The following RIPOR2 variants were observed in gnomAD, a reference collection of about 807,000 sequenced individuals.
RIPOR2 encodes rho family-interacting cell polarization regulator 2.
Under a neutral mutation model 114.5 loss-of-function variants are expected in RIPOR2, and 39 were observed. That is an observed-to-expected ratio of 0.34 (90% CI 0.26 to 0.44). RIPOR2 has a LOEUF of 0.44. Among genes scored for constraint, RIPOR2 ranks in the 20% least tolerant of loss-of-function variants. The pLI is 1.00. For missense variants in RIPOR2, 1,007 were observed against 1,255.1 expected (o/e 0.80, Z 2.99); for synonymous variants, 445 against 484.4 (o/e 0.92, Z 1.07).
intron 1 of RIPOR2, among the ~76,000 whole-genome samples, chr6:24,991,755 G>T (rs1774825099): frequency 6.6e-6 from 1 of 152,094 alleles, no homozygotes; most frequent in Admixed American, 6.5e-5. Flanking sequence ...CAGCTTAAAG[G>T]GTTTTAATGA....
At chr6:24,986,618 T>C (rs1774540328) in intron 1 of RIPOR2, among the ~76,000 whole-genome samples, 2 of 152,162 alleles carry the variant, frequency 1.3e-5, no homozygotes, top group South Asian at 4.1e-4. Flanking sequence ...TCCTGCTGTG[T>C]GCTCTATCCT....
chr6:24,820,058 G>A (rs1759540436), intron 19 of RIPOR2, among the ~76,000 whole-genome samples: 1 of 151,832 alleles, frequency 6.6e-6, no homozygotes, highest in African/African-American at 2.4e-5. Context: ...TGGAGATGGA[G>A]TTTCACTCTT....
intron 1 of RIPOR2, among the ~76,000 whole-genome samples, chr6:24,955,611 C>T (rs73729556): frequency 0.059 from 9,002 of 151,680 alleles, 552 homozygotes; most frequent in Middle Eastern, 0.17. Context: ...TCTTCTCTTC[C>T]GCTTTTAAAT....
At chr6:24,919,306 C>T (rs375798147) in intron 1 of RIPOR2, among the ~76,000 whole-genome samples, 2 of 152,322 alleles carry the variant, frequency 1.3e-5, no homozygotes, top group East Asian at 1.9e-4. Context: ...AAATTATTCA[C>T]GCCACCGAAG....
intron 1 of RIPOR2, among the ~76,000 whole-genome samples, chr6:24,913,190 C>G (rs1168719511): frequency 6.6e-6 from 1 of 151,136 alleles, no homozygotes; most frequent in African/African-American, 2.5e-5. Context: ...TGTGCACATA[C>G]AGAGCAGAGA....
At chr6:24,973,744 C>A (rs1773902309) in intron 1 of RIPOR2, among the ~76,000 whole-genome samples, 1 of 151,978 alleles carries the variant, frequency 6.6e-6, no homozygotes, top group East Asian at 1.9e-4. Flanking sequence ...ATATATACAC[C>A]ATGGAATACA....
chr6:25,023,887 A>G (rs879046819), intron 1 of RIPOR2: 26 of 722,988 alleles, frequency 3.6e-5, no homozygotes, highest in Non-Finnish European at 6.2e-5. Flanking sequence ...ACCTGGAGGC[A>G]CTTGGTTCTT....
At chr6:24,956,260 C>A (rs980408621) in intron 1 of RIPOR2, among the ~76,000 whole-genome samples, 1 of 152,138 alleles carries the variant, frequency 6.6e-6, no homozygotes, top group African/African-American at 2.4e-5. Flanking sequence ...TCATAAATCT[C>A]TTTTTCCCTC....
intron 1 of RIPOR2, among the ~76,000 whole-genome samples, chr6:25,039,075 A>C (rs1777368071): frequency 6.6e-6 from 1 of 152,230 alleles, no homozygotes; most frequent in Non-Finnish European, 1.5e-5. Flanking sequence ...ATTTTTCTTA[A>C]TGACAAAATA....
Position 24,927,198 on chromosome 6 carries a change from T to C in RIPOR2, c.61+8640A>G, listed in dbSNP as rs1243264747. Among the ~76,000 whole-genome samples the C allele has an allele frequency of 8.4e-5, 7 of 83,722 alleles. 2 individuals carry two copies. The highest frequency in any genetic ancestry group is 2.0e-4 in the African/African-American group (4 of 19,632). The allele number at this position is 83,722 out of a possible 152,430, so 54.9% of individuals were successfully genotyped here. Reference sequence around the variant, plus strand: ...CCACCACCATGACCACCACCACAACTACAAGCACCACCACCACCACTACCA... The same window carrying C: ...CCACCACCATGACCACCACCACAACCACAAGCACCACCACCACCACTACCA... On this transcript the variant is annotated intron_variant, in intron 1 of 21. Transcript: ENST00000643898.
intron 1 of RIPOR2, among the ~76,000 whole-genome samples, chr6:24,975,800 G>A (rs757138785): frequency 2.0e-5 from 3 of 151,966 alleles, no homozygotes; most frequent in Non-Finnish European, 4.4e-5. Context: ...CAATGTGTCC[G>A]TATATTGAAA....
chr6:24,908,233 A>G (rs1442078666), intron 1 of RIPOR2, among the ~76,000 whole-genome samples: 2 of 152,224 alleles, frequency 1.3e-5, no homozygotes, highest in Non-Finnish European at 2.9e-5. Context: ...ACGGACTTTC[A>G]CTTCTATCAC....
At position 24,869,087 on chromosome 6, in the gene RIPOR2, C is replaced by T; in HGVS notation, c.501+7G>A. 1 of 1,532,888 alleles carries T rather than the reference C, an allele frequency of 6.5e-7. No individual in the cohort carries two copies. The highest frequency in any genetic ancestry group is 9.0e-7 in the Non-Finnish European group (1 of 1,113,858). The allele number at this position is 1,532,888 out of a possible 1,614,324, so 95.0% of individuals were successfully genotyped here. On this transcript the variant is annotated splice_region_variant and intron_variant, in intron 6 of 21. Transcript: ENST00000643898. ...AAACAGGCAATGAGAACAGGAATTT[C>T]AGTTACCTTACTTATATGAAACTCC...
At chr6:24,921,706 G>A (rs962338267) in intron 1 of RIPOR2, among the ~76,000 whole-genome samples, 2 of 148,758 alleles carry the variant, frequency 1.3e-5, no homozygotes, top group Non-Finnish European at 3.0e-5. Flanking sequence ...TGTCTGCCTC[G>A]CTTCTCTGCA....
intron 1 of RIPOR2, among the ~76,000 whole-genome samples, chr6:25,022,103 A>G (rs999694995): frequency 1.3e-5 from 2 of 152,194 alleles, no homozygotes; most frequent in African/African-American, 4.8e-5. Flanking sequence ...ACATGGAGTA[A>G]AATTAGCCCT....
Position 24,842,949 on chromosome 6 carries a change from A to C in RIPOR2, c.1770T>G (p.Leu590=), listed in dbSNP as rs1394924802. 6 of 1,526,466 alleles carry C rather than the reference A, an allele frequency of 3.9e-6. No homozygotes were observed. Among genetic ancestry groups the C allele is most frequent in the Admixed American group, 2.2e-5 (1 of 45,904 alleles). 94.6% of individuals were successfully genotyped at this position (1,526,466 alleles called of 1,614,324 possible). ...CTTTATGTGGTTCTAATGCAAGTAAAAGCCCATTAAAAGCATCCTCTAAGC... is the reference window on the plus strand; with the variant it reads ...CTTTATGTGGTTCTAATGCAAGTAACAGCCCATTAAAAGCATCCTCTAAGC... ...DGSLEDAFNG[L]LLALEPHKEQ... The change falls in exon 13 of 22, where the codon CTT becomes CTG. Residue 590 remains leucine (L), a synonymous_variant. Coordinates refer to ENST00000643898, the MANE Select transcript of RIPOR2 (RefSeq NM_001286445.3).
At chr6:24,925,289 C>T (rs1581810162) in intron 1 of RIPOR2, among the ~76,000 whole-genome samples, 2 of 152,180 alleles carry the variant, frequency 1.3e-5, no homozygotes, top group South Asian at 2.1e-4. Flanking sequence ...GGAAGACTCA[C>T]GGGGCTATCT....
At chr6:24,928,800 C>T (rs979398888) in intron 1 of RIPOR2, among the ~76,000 whole-genome samples, 13 of 152,198 alleles carry the variant, frequency 8.5e-5, no homozygotes, top group Non-Finnish European at 1.8e-4. Context: ...GAAATAACCC[C>T]AGGATCTCTT....
chr6:25,040,557 C>T (rs1447243), intron 1 of RIPOR2, among the ~76,000 whole-genome samples: 35,758 of 150,894 alleles, frequency 0.24, 4,823 homozygotes, highest in Admixed American at 0.36. Flanking sequence ...AACATTTAAA[C>T]TTGAGAGCTT....
Sources: allele counts gnomAD v4.1 joint callset (sites outside exome capture counted in the v4.1 genomes callset), GRCh38; gene constraint gnomAD v4.1.1; transcripts MANE v1.5; gene names NCBI Gene and HGNC (gene_info 2026-07-23, HGNC 2026-07-21).